Variants in ITGB3BP observed in about 807,000 individuals in gnomAD.
ITGB3BP encodes integrin subunit beta 3 binding protein, also known as centromere protein R.
A neutral mutation model predicts 29.1 loss-of-function variants in ITGB3BP; 27 were observed. The ratio of observed to expected loss-of-function variants is 0.93; its 90% CI spans 0.68 to 1.28. The LOEUF is 1.28. Among genes scored for constraint, ITGB3BP ranks in the 50% most tolerant of loss-of-function variants. The pLI is 0.00. For missense variants in ITGB3BP, 192 were observed against 200.2 expected (o/e 0.96, Z 0.25); for synonymous variants, 61 against 61.4 (o/e 0.99, Z 0.03).
At chr1:63,485,310 G>A (rs1645505619) in intron 3 of ITGB3BP, among the ~76,000 whole-genome samples, 1 of 152,016 alleles carries the variant, frequency 6.6e-6, no homozygotes, top group South Asian at 2.1e-4. Flanking sequence ...TCAACTGATA[G>A]ATATCTTGTC....
chr1:63,487,708 A>T (rs2100662988), intron 3 of ITGB3BP, among the ~76,000 whole-genome samples: 1 of 152,270 alleles, frequency 6.6e-6, no homozygotes, highest in South Asian at 2.1e-4. Context: ...ATAATCTTAC[A>T]GGACCATCAT....
chr1:63,461,269 A>AT (rs1259187467), intron 4 of ITGB3BP, among the ~76,000 whole-genome samples: 2 of 150,592 alleles, frequency 1.3e-5, no homozygotes, highest in Admixed American at 6.6e-5. Context: ...AAAAAAAAAA[A>AT]AAAAAAAAAA....
chr1:63,508,390 G>T, intron 2 of ITGB3BP, 138 bp downstream of exon 2: 1 of 494,074 alleles, frequency 2.0e-6, no homozygotes, highest in East Asian at 3.5e-5. Flanking sequence ...GCAGAAAATG[G>T]TGTACCAATC....
At chr1:63,518,222 G>A (rs1477548739) in intron 1 of ITGB3BP, among the ~76,000 whole-genome samples, 1 of 152,112 alleles carries the variant, frequency 6.6e-6, no homozygotes, top group Non-Finnish European at 1.5e-5. Context: ...CTCACGAATG[G>A]GTATGTTCTC....
intron 4 of ITGB3BP, among the ~76,000 whole-genome samples, chr1:63,473,371 A>C (rs1378558867): frequency 3.6e-5 from 5 of 138,206 alleles, no homozygotes; most frequent in Admixed American, 7.1e-5. Context: ...CCGCCCGGCC[A>C]GCCGCCCCGT....
At chr1:63,456,306 A>G (rs1472584924) in intron 4 of ITGB3BP, among the ~76,000 whole-genome samples, 6 of 152,206 alleles carry the variant, frequency 3.9e-5, no homozygotes, top group African/African-American at 1.4e-4. Context: ...AAAGCTAAAA[A>G]TTATGAGGAC....
In ITGB3BP at chr1:63,446,836, A is replaced by G. The variant is rs1223307676; in HGVS notation, c.505T>C (p.Tyr169His). Residue 169 changes from tyrosine (Y) to histidine (H), a missense_variant, in exon 8 of 9, where the codon TAT (tyrosine) becomes CAT (histidine). By Grantham distance (83) the Tyr-to-His change is moderately conservative. Coordinates refer to ENST00000271002, the MANE Select transcript of ITGB3BP (RefSeq NM_014288.5). The stretch of plus-strand genomic sequence containing the variant: ...TTTAAAATGGCTTTAAGGAATTCAT[A>G]GCTGTCAAGATGACGTGATGCTATA... Reference protein sequence around the residue: ...PHKASRHLDSYEFLKAILN With the variant: ...PHKASRHLDSHEFLKAILN 6.2e-7 allele frequency: 1 copy of G among 1,611,842 alleles called. No homozygotes were observed. Among genetic ancestry groups the G allele is most frequent in the African/African-American group, 1.3e-5 (1 of 74,990 alleles).
intron 2 of ITGB3BP, among the ~76,000 whole-genome samples, chr1:63,494,366 G>A (rs965870818): frequency 2.0e-5 from 3 of 152,128 alleles, no homozygotes; most frequent in Non-Finnish European, 4.4e-5. Flanking sequence ...TGATCTGCCC[G>A]CCTTGGCTTC....
intron 3 of ITGB3BP, 115 bp downstream of exon 3, chr1:63,489,968 T>C (rs922876353): frequency 7.2e-5 from 63 of 875,110 alleles, no homozygotes; most frequent in Non-Finnish European, 1.1e-4. Context: ...ATTAAATTAT[T>C]TGAGAGAAGA....
At chr1:63,463,853 A>T (rs964763951) in intron 4 of ITGB3BP, among the ~76,000 whole-genome samples, 1 of 152,216 alleles carries the variant, frequency 6.6e-6, no homozygotes, top group African/African-American at 2.4e-5. Flanking sequence ...TCTTACATTT[A>T]AAATTCTCCA....
chr1:63,509,063 G>C (rs1646142479), intron 1 of ITGB3BP, among the ~76,000 whole-genome samples: 1 of 152,182 alleles, frequency 6.6e-6, no homozygotes, highest in Admixed American at 6.5e-5. Flanking sequence ...ACATGATTCA[G>C]TGCAACCAGA....
intron 4 of ITGB3BP, among the ~76,000 whole-genome samples, chr1:63,471,709 T>G (rs1301347448): frequency 6.6e-6 from 1 of 152,194 alleles, no homozygotes; most frequent in East Asian, 1.9e-4. Flanking sequence ...TATATACAAC[T>G]AATTCAGCTA....
chr1:63,480,822 A>G (rs1381568067), intron 3 of ITGB3BP, among the ~76,000 whole-genome samples: 1 of 152,122 alleles, frequency 6.6e-6, no homozygotes, highest in Non-Finnish European at 1.5e-5. Flanking sequence ...TATGGTTAAA[A>G]ATTTAGTAAA....
At chr1:63,493,268 T>G (rs1183760295) in intron 2 of ITGB3BP, among the ~76,000 whole-genome samples, 1 of 151,696 alleles carries the variant, frequency 6.6e-6, no homozygotes, top group Non-Finnish European at 1.5e-5. Context: ...AATACAAAAA[T>G]TAGCCAGGCA....
chr1:63,514,287 T>A (rs1279562962), intron 1 of ITGB3BP, among the ~76,000 whole-genome samples: 1 of 152,220 alleles, frequency 6.6e-6, no homozygotes, highest in Non-Finnish European at 1.5e-5. Flanking sequence ...GTTTTAGTTT[T>A]TAGCCATTAT....
chr1:63,495,065 C>T (rs1184652947), intron 2 of ITGB3BP, among the ~76,000 whole-genome samples: 1 of 152,190 alleles, frequency 6.6e-6, no homozygotes, highest in Non-Finnish European at 1.5e-5. Context: ...CCTCAGCCTC[C>T]CCCAAAGCTG....
intron 3 of ITGB3BP, among the ~76,000 whole-genome samples, chr1:63,488,712 T>C (rs922941721): frequency 1.3e-5 from 2 of 152,064 alleles, no homozygotes; most frequent in African/African-American, 4.8e-5. Flanking sequence ...GAGATATATA[T>C]ATTACAGCAC....
At position 63,453,984 on chromosome 1, in the gene ITGB3BP, G is replaced by A; in HGVS notation, c.428-10C>T. 6.6e-7 allele frequency: 1 copy of A among 1,522,310 alleles called. No homozygotes were observed. The highest frequency in any genetic ancestry group is 9.0e-7 in the Non-Finnish European group (1 of 1,105,026). The allele number at this position is 1,522,310 out of a possible 1,614,324, so 94.3% of individuals were successfully genotyped here. ...TTATTCACTTTTGTCACTAAAAGAA[G>A]TAAAAATCCCATGTCAAGAATTAAC... On this transcript the variant is annotated splice_polypyrimidine_tract_variant and intron_variant, in intron 6 of 8. Transcript: ENST00000271002.
chr1:63,441,533 G>C (rs772014415), intron 8 of ITGB3BP, among the ~76,000 whole-genome samples: 32 of 152,130 alleles, frequency 2.1e-4, no homozygotes, highest in Non-Finnish European at 3.8e-4. Flanking sequence ...ACTGTGCCCG[G>C]CCTTATTTGC....
Sources: gnomAD v4.1 joint callset for allele counts (sites outside exome capture counted in the v4.1 genomes callset) on GRCh38, gnomAD v4.1.1 for gene constraint, MANE v1.5 for transcripts, NCBI Gene and HGNC (gene_info 2026-07-23, HGNC 2026-07-21) for gene names.